GK: variants seen among roughly 807,000 people sequenced by gnomAD.
GK encodes the protein ATP:glycerol 3-phosphotransferase.
In GK, 9 loss-of-function variants were observed where a neutral mutation model predicts 56.4. The observed-to-expected ratio is 0.16, with a 90% CI of 0.10 to 0.28. The LOEUF (loss-of-function observed/expected upper bound fraction) is 0.28, where lower values mean the gene tolerates loss of function less well. GK is among the 10% of genes least tolerant of loss of function. GK has a pLI of 1.00. For missense variants in GK, 161 were observed against 431.4 expected (o/e 0.37, Z 5.55); for synonymous variants, 104 against 144.1 (o/e 0.72, Z 1.99).
intron 18 of GK, chrX:30,721,721 C>T (rs1936919641): frequency 1.8e-5 from 2 of 111,819 alleles, no homozygotes; most frequent in Admixed American, 9.5e-5. Context: ...GGTTAAGAGA[C>T]ACTCTGGTAA....
intron 13 of GK, among the ~76,000 whole-genome samples, chrX:30,712,287 T>C (rs1212065442): frequency 1.8e-5 from 2 of 112,242 alleles, no homozygotes; most frequent in African/African-American, 6.5e-5. Flanking sequence ...CCTCCTGATG[T>C]AAATGTATTC....
chrX:30,678,099 C>T (rs1006952342), intron 4 of GK: 9 of 512,073 alleles, frequency 1.8e-5, no homozygotes, highest in South Asian at 2.6e-5. Flanking sequence ...ATTAAAATTA[C>T]GTGTGTTCAC....
intron 4 of GK, among the ~76,000 whole-genome samples, chrX:30,690,259 G>A (rs760137804): frequency 1.4e-4 from 16 of 111,952 alleles, no homozygotes; most frequent in Non-Finnish European, 1.7e-4. Flanking sequence ...TGAGCAGTCA[G>A]TGTCCTAAAA....
intron 13 of GK, among the ~76,000 whole-genome samples, chrX:30,712,241 T>C (rs1470098416): frequency 8.9e-6 from 1 of 112,251 alleles, no homozygotes; most frequent in Non-Finnish European, 1.9e-5. Context: ...TATTTGGCTA[T>C]TATGAAAAAT....
In GK at chrX:30,665,232, A is replaced by G. The variant is rs762555274; in HGVS notation, c.79-279A>G. Among the ~76,000 whole-genome samples, 3 of 112,041 alleles carry G rather than the reference A, an allele frequency of 2.7e-5. No individual in the cohort carries two copies. The South Asian group carries it at 1.1e-3, about 41-fold the overall frequency. On this transcript the variant is annotated intron_variant, in intron 1 of 20. Coordinates refer to ENST00000427190, the MANE Select transcript of GK (RefSeq NM_001205019.2). ...AATCCATATTATTAATTAATGTGTTAAATTTCCGAGAACCATTTTGGTTTT... is the reference window on the plus strand; with the variant it reads ...AATCCATATTATTAATTAATGTGTTGAATTTCCGAGAACCATTTTGGTTTT...
chrX:30,721,361 G>A (rs771739911), intron 18 of GK, among the ~76,000 whole-genome samples: 4 of 106,486 alleles, frequency 3.8e-5, no homozygotes, highest in African/African-American at 1.4e-4. Flanking sequence ...GCACAATCTC[G>A]GCTCACTGCA....
chrX:30,689,349 C>T (rs1934801313), intron 4 of GK: 1 of 270,019 alleles, frequency 3.7e-6, no homozygotes, highest in African/African-American at 2.8e-5. Context: ...CATGGGAGAT[C>T]TTGCCACCTC....
intron 2 of GK, 79 bp downstream of exon 2, chrX:30,665,663 A>T: frequency 1.6e-6 from 1 of 629,688 alleles, no homozygotes. Context: ...TGGATTTGTA[A>T]AGTAAACTTG....
chrX:30,711,600 C>T (rs1936326648), intron 13 of GK, among the ~76,000 whole-genome samples: 2 of 111,088 alleles, frequency 1.8e-5, no homozygotes, highest in African/African-American at 3.3e-5. Context: ...TCTTAACTGC[C>T]CTTTTATATT....
intron 8 of GK, 30 bp downstream of exon 8, chrX:30,696,713 CACCAAAAA>C (rs1935259259): frequency 9.6e-7 from 1 of 1,043,042 alleles, no homozygotes; most frequent in Non-Finnish European, 1.3e-6. Context: ...ACAAAAAACA[CACCAAAAA>C]ACCAAAAAAC....
intron 7 of GK, 140 bp from the exon 8 acceptor site, chrX:30,696,477 C>T (rs746126952): frequency 1.1e-4 from 53 of 487,309 alleles, no homozygotes; most frequent in Non-Finnish European, 4.0e-5. Flanking sequence ...TGTTGGCTTA[C>T]GTATTTATTG....
At chrX:30,723,636 T>C (rs1209778220) in intron 18 of GK, 1 of 155,548 alleles carries the variant, frequency 6.4e-6, no homozygotes, top group Admixed American at 7.6e-5. Context: ...TGTTTGTTTG[T>C]TTTTGGGACC....
intron 18 of GK, chrX:30,723,706 T>G (rs914349560): frequency 4.7e-6 from 1 of 211,532 alleles, no homozygotes; most frequent in Non-Finnish European, 8.8e-6. Flanking sequence ...CACTGCAACC[T>G]CCACCTCCCA....
rs138035890 is a variant in GK at position 30,669,183 on chromosome X, GT to G, written c.259+1081del. On this transcript the variant is annotated intron_variant, in intron 3 of 20. Transcript: ENST00000427190. The stretch of plus-strand genomic sequence containing the variant: ...TGGATTTCTCTGAGAAGTCCTAGTA[GT>G]TTTTTTTTTTTTTTTGAGATGGAGT... 4.7e-3 allele frequency among the ~76,000 whole-genome samples: 454 copies of G among 96,228 alleles called. 6 individuals are homozygous for G. The highest frequency in any genetic ancestry group is 0.013 in the African/African-American group (354 of 26,367). The allele number at this position is 96,228 out of a possible 115,157, so 83.6% of individuals were successfully genotyped here.
intron 8 of GK, chrX:30,696,937 T>A: frequency 5.5e-6 from 2 of 360,781 alleles, no homozygotes; most frequent in Non-Finnish European, 9.7e-6. Context: ...CTTTAGATGT[T>A]GGCATGAGCC....
chrX:30,662,828 TCTC>T, intron 1 of GK, among the ~76,000 whole-genome samples: 1 of 10,626 alleles, frequency 9.4e-5, no homozygotes, highest in Non-Finnish European at 2.1e-4. Context: ...TCTCTCTCTC[TCTC>T]TCTTTCTTTC....
At chrX:30,696,814 GT>G in intron 8 of GK, 131 bp downstream of exon 8, 1 of 525,166 alleles carries the variant, frequency 1.9e-6, no homozygotes, top group Admixed American at 3.0e-5. Flanking sequence ...ACTGTGTTAT[GT>G]TTTGTGACTT....
At chrX:30,659,051 A>C (rs753772943) in intron 1 of GK, among the ~76,000 whole-genome samples, 1 of 112,210 alleles carries the variant, frequency 8.9e-6, no homozygotes, top group Non-Finnish European at 1.9e-5. Flanking sequence ...TTTTTGAGAC[A>C]GAGTTTCACT....
intron 9 of GK, among the ~76,000 whole-genome samples, chrX:30,697,984 A>T (rs1935330370): frequency 1.8e-5 from 2 of 112,152 alleles, no homozygotes; most frequent in African/African-American, 6.5e-5. Flanking sequence ...TCCTGGAATG[A>T]GAGATTCTGA....
Sources: gnomAD v4.1 joint callset for allele counts (sites outside exome capture counted in the v4.1 genomes callset) on GRCh38, gnomAD v4.1.1 for gene constraint, MANE v1.5 for transcripts, NCBI Gene and HGNC (gene_info 2026-07-23, HGNC 2026-07-21) for gene names.